The following LRCH1 variants were observed in gnomAD, a reference collection of about 807,000 sequenced individuals.
LRCH1 encodes leucine-rich repeat and calponin homology domain-containing protein 1.
LRCH1 carries 23 observed loss-of-function variants against 94.9 expected under a neutral mutation model. The ratio of observed to expected loss-of-function variants is 0.24; its 90% CI spans 0.17 to 0.34. The LOEUF (loss-of-function observed/expected upper bound fraction) is 0.34. Ranked by LOEUF, LRCH1 falls within the 10% of genes least tolerant of loss-of-function variation. The pLI, the probability that LRCH1 is intolerant of heterozygous loss-of-function variation, is 1.00. For missense variants in LRCH1, 790 were observed against 945.9 expected, an observed-to-expected ratio of 0.84 and a Z score of 2.16; for synonymous variants, 364 against 354.9, an observed-to-expected ratio of 1.03 and a Z score of -0.29.
intron 1 of LRCH1, among the ~76,000 whole-genome samples, chr13:46,568,844 G>T (rs2050212549): frequency 6.6e-6 from 1 of 152,142 alleles, no homozygotes; most frequent in Non-Finnish European, 1.5e-5. Context: ...GCATTTTACT[G>T]TATGTAAATC....
At position 46,687,875 on chromosome 13, in the gene LRCH1, C is replaced by T; in HGVS notation, c.846C>T (p.His282=). The T allele has an allele frequency of 6.2e-7, 1 of 1,612,052 alleles. No homozygotes were observed. ...PAQICTKGKV[H]IFKYLSIQAC... ...AGATTTGCACAAAGGGCAAAGTTCACATATTTAAGTATCTGAGCATACAAG... is the reference window on the plus strand; with the variant it reads ...AGATTTGCACAAAGGGCAAAGTTCATATATTTAAGTATCTGAGCATACAAG... The change falls in exon 6 of 20, where the codon CAC becomes CAT. Residue 282 remains histidine (H), a synonymous_variant. Coordinates refer to ENST00000389797, the MANE Select transcript of LRCH1 (RefSeq NM_001164211.2).
At chr13:46,585,526 C>T (rs1447778890) in intron 1 of LRCH1, among the ~76,000 whole-genome samples, 1 of 143,304 alleles carries the variant, frequency 7.0e-6, no homozygotes, top group Non-Finnish European at 1.5e-5. Flanking sequence ...GCACTCCAGC[C>T]TGGGCGACAG....
intron 1 of LRCH1, among the ~76,000 whole-genome samples, chr13:46,610,441 A>T (rs2050735261): frequency 6.6e-6 from 1 of 151,212 alleles, no homozygotes; most frequent in South Asian, 2.1e-4. Flanking sequence ...ATATTTTATT[A>T]AGTTATCTAC....
intron 15 of LRCH1, among the ~76,000 whole-genome samples, chr13:46,712,803 C>G (rs2762130): frequency 0.67 from 102,678 of 152,122 alleles, 34,878 homozygotes; most frequent in East Asian, 0.77. Flanking sequence ...GATATTCTAT[C>G]TTCGTTTGAA....
intron 1 of LRCH1, among the ~76,000 whole-genome samples, chr13:46,603,801 C>T (rs952883711): frequency 1.3e-5 from 2 of 152,094 alleles, no homozygotes; most frequent in Admixed American, 6.6e-5. Context: ...AGACTATAGG[C>T]TCGTGCCACC....
chr13:46,695,040 CG>C, intron 9 of LRCH1, 23 bp downstream of exon 9: 5 of 1,610,660 alleles, frequency 3.1e-6, no homozygotes, highest in Non-Finnish European at 4.2e-6. Flanking sequence ...GGATCAACTA[CG>C]TTTTTTTACT....
intron 2 of LRCH1, among the ~76,000 whole-genome samples, chr13:46,664,255 A>T (rs1036210533): frequency 1.3e-5 from 2 of 152,236 alleles, no homozygotes; most frequent in African/African-American, 2.4e-5. Context: ...AAATAGAGTC[A>T]TACACCACAT....
intron 19 of LRCH1, among the ~76,000 whole-genome samples, chr13:46,738,694 T>C (rs1873509614): frequency 6.6e-6 from 1 of 152,224 alleles, no homozygotes; most frequent in African/African-American, 2.4e-5. Context: ...AGATTCTTAT[T>C]ACAAGATTTA....
chr13:46,743,476 C>G lies in LRCH1; in HGVS notation c.*1628C>G. 2.0e-6 allele frequency: 2 copies of G among 985,756 alleles called. No individual in the cohort carries two copies. Among genetic ancestry groups the G allele is most frequent in the Non-Finnish European group, 2.4e-6 (2 of 829,902 alleles). 61.1% of individuals were successfully genotyped at this position (985,756 alleles called of 1,614,324 possible). A position where few individuals can be genotyped will look rare whatever the true frequency, so the allele number is the denominator to read the frequency against. The stretch of plus-strand genomic sequence containing the variant: ...TGTATATGAATAACCCACAGATGTA[C>G]TGAATTACTTTTGGTGCTATCTTGT... On this transcript the variant is annotated 3_prime_UTR_variant, in exon 20 of 20. Transcript: ENST00000389797.
At chr13:46,630,702 T>C (rs768746783) in intron 1 of LRCH1, among the ~76,000 whole-genome samples, 1 of 152,236 alleles carries the variant, frequency 6.6e-6, no homozygotes, top group Non-Finnish European at 1.5e-5. Flanking sequence ...AGGATTTGAA[T>C]GCATGGGGAG....
chr13:46,642,915 T>A (rs1164415959), intron 1 of LRCH1, among the ~76,000 whole-genome samples: 1 of 151,794 alleles, frequency 6.6e-6, no homozygotes, highest in Non-Finnish European at 1.5e-5. Context: ...TTTAGGATGT[T>A]AAAAAAAACT....
At position 46,741,821 on chromosome 13, in the gene LRCH1, T is replaced by C. The variant is rs754320021; in HGVS notation, c.2265T>C (p.Thr755=). The C allele has an allele frequency of 2.5e-6, 4 of 1,614,168 alleles. No individual in the cohort carries two copies. Among genetic ancestry groups the C allele is most frequent in the Non-Finnish European group, 2.5e-6 (3 of 1,180,024 alleles). The change falls in exon 20 of 20, where the codon ACT becomes ACC. Residue 755 remains threonine (T), a synonymous_variant. Transcript: ENST00000389797. ...TCTTTATAGTGCTGGTCTATATCACTTACCACTGGAATGCTCTGTCCGCAT... is the reference window on the plus strand; with the variant it reads ...TCTTTATAGTGCTGGTCTATATCACCTACCACTGGAATGCTCTGTCCGCAT... ...HILFIVLVYI[T]YHWNALSA is the part of the protein sequence containing the mutation.
intron 1 of LRCH1, among the ~76,000 whole-genome samples, chr13:46,573,857 TATATATATA>T (rs1417927922): frequency 2.6e-5 from 2 of 76,656 alleles, no homozygotes; most frequent in Admixed American, 1.5e-4. Context: ...TATATATATA[TATATATATA>T]TTTTTTTTTT....
chr13:46,738,730 A>G (rs1873511437), intron 19 of LRCH1, among the ~76,000 whole-genome samples: 1 of 152,208 alleles, frequency 6.6e-6, no homozygotes, highest in Admixed American at 6.5e-5. Context: ...TATATTGGTT[A>G]ATTCTAAGGG....
intron 1 of LRCH1, among the ~76,000 whole-genome samples, chr13:46,582,017 G>A (rs1468410563): frequency 1.3e-5 from 2 of 152,094 alleles, no homozygotes; most frequent in African/African-American, 4.8e-5. Context: ...GGGCGTGCTG[G>A]TGTGTGCCTG....
intron 11 of LRCH1, among the ~76,000 whole-genome samples, chr13:46,702,134 G>A (rs75444953): frequency 1.9e-4 from 29 of 152,184 alleles, no homozygotes; most frequent in Admixed American, 9.2e-4. Context: ...CACCTTGGGG[G>A]ATGTAAAGAT....
Position 46,553,723 on chromosome 13 carries a change from CG to C in LRCH1, c.307+23del. On this transcript the variant is annotated intron_variant, in intron 1 of 19. Transcript: ENST00000389797. The stretch of plus-strand genomic sequence containing the variant: ...AGGCAGGTGAGTGAGGGCCGAGGGG[CG>C]GGCAGGGGTGTGGGTGCTGTCTGGG... 1 of 1,604,514 alleles carries C rather than the reference CG, an allele frequency of 6.2e-7. No homozygotes were observed. The highest frequency in any genetic ancestry group is 1.1e-5 in the South Asian group (1 of 89,810).
At chr13:46,600,470 G>C (rs941402629) in intron 1 of LRCH1, among the ~76,000 whole-genome samples, 5 of 152,118 alleles carry the variant, frequency 3.3e-5, no homozygotes, top group African/African-American at 1.2e-4. Flanking sequence ...CCTTTCCTTG[G>C]GTCATGGTCC....
intron 1 of LRCH1, among the ~76,000 whole-genome samples, chr13:46,608,596 T>C (rs2050713259): frequency 6.6e-6 from 1 of 151,946 alleles, no homozygotes; most frequent in Non-Finnish European, 1.5e-5. Flanking sequence ...GATTGGAGGG[T>C]TTTTAGTATA....
Sources: allele counts gnomAD v4.1 joint callset (sites outside exome capture counted in the v4.1 genomes callset), GRCh38; gene constraint gnomAD v4.1.1; transcripts MANE v1.5; gene names NCBI Gene and HGNC (gene_info 2026-07-23, HGNC 2026-07-21).